Variants in IRX5 observed in about 807,000 individuals in gnomAD.
IRX5 encodes the protein iroquois-class homeodomain protein IRX-5.
IRX5 carries 8 observed loss-of-function variants against 37.6 expected under a neutral mutation model. The ratio of observed to expected loss-of-function variants is 0.21; its 90% CI spans 0.12 to 0.38. The LOEUF (loss-of-function observed/expected upper bound fraction) is 0.38. IRX5 is among the 10% of genes least tolerant of loss of function. The pLI, the probability that IRX5 is intolerant of heterozygous loss-of-function variation, is 1.00. For synonymous variants in IRX5, 359 were observed against 328.6 expected (o/e 1.09, Z -1.00); for missense variants, 635 against 695.2 (o/e 0.91, Z 0.97).
rs1281187435 is a variant in IRX5 at position 54,933,219 on chromosome 16, C to G, written c.798C>G (p.Gly266=). ...AGGGCCGCCTCGACGCGCTGCAGGG[C>G]CCCCCCCGCACCGGCGGGCCCTCCC... ...PSEGRLDALQ[G]PPRTGGPSPA... is the part of the protein sequence containing the mutation. The change falls in exon 3 of 3, where the codon GGC becomes GGG. Residue 266 remains glycine (G), a synonymous_variant. Transcript: ENST00000394636. 2 of 1,485,458 alleles carry G rather than the reference C, an allele frequency of 1.3e-6. No homozygotes were observed. The highest frequency in any genetic ancestry group is 2.5e-5 in the South Asian group (2 of 80,430). 92.0% of individuals were successfully genotyped at this position (1,485,458 alleles called of 1,614,324 possible). A position where few individuals can be genotyped will look rare whatever the true frequency, so the allele number is the denominator to read the frequency against.
chr16:54,931,190 T>G lies in IRX5; in HGVS notation c.-9T>G, dbSNP rs2142351716. ...CGCGGCGCGGCGCGCCCCATGCCCG[T>G]GTGTGGCCATGTCCTATCCGCAGGG... is the stretch of plus-strand genomic sequence containing the variant. On this transcript the variant is annotated 5_prime_UTR_variant, in exon 1 of 3. Transcript: ENST00000394636. The G allele has an allele frequency of 6.3e-7, 1 of 1,575,896 alleles. No homozygotes were observed. The highest frequency in any genetic ancestry group is 8.6e-7 in the Non-Finnish European group (1 of 1,163,114).
chr16:54,933,199 C>T lies in IRX5; in HGVS notation c.778C>T (p.Arg260Cys), dbSNP rs199861709. 4 of 1,535,738 alleles carry T rather than the reference C, an allele frequency of 2.6e-6. No individual in the cohort carries two copies. In the Admixed American group the frequency reaches 7.8e-5, roughly 30 times the overall value. ...SDFKEPPSEG[R>C]LDALQGPPRT... is the part of the protein sequence containing the mutation. ...TTTTAAGGAGCCGCCCTCGGAGGGC[C>T]GCCTCGACGCGCTGCAGGGCCCCCC... The change falls in exon 3 of 3, where the codon CGC becomes TGC. Residue 260 changes from arginine to cysteine, a missense_variant. Around this residue, in one of 5 missense-constraint regions of IRX5, gnomAD observed 244 missense variants for 205.4 expected, o/e 1.19. Coordinates refer to ENST00000394636, the MANE Select transcript of IRX5 (RefSeq NM_005853.6).
rs543534929 is a variant in IRX5 at position 54,932,304 on chromosome 16, G to C, written c.250-194G>C. On this transcript the variant is annotated intron_variant, in intron 1 of 2. Transcript: ENST00000394636. This position sits in a 1 kb window ranked among gnomAD's most constrained non-coding sequence, Gnocchi z 6.7. ...AGAAGGACCTGACCCAGAAATTGAG[G>C]TCCCCGCTGCCTTCTGAGGAGGGGG... The C allele has an allele frequency of 2.9e-6, 2 of 685,744 alleles. No homozygotes were observed. Among genetic ancestry groups the C allele is most frequent in the African/African-American group, 3.6e-5 (2 of 55,286 alleles). The allele number at this position is 685,744 out of a possible 1,614,324, so 42.5% of individuals were successfully genotyped here.
Position 54,932,223 on chromosome 16 carries a change from C to T in IRX5, c.250-275C>T, listed in dbSNP as rs550286243. 52 of 695,388 alleles carry T rather than the reference C, an allele frequency of 7.5e-5. No homozygotes were observed. Among genetic ancestry groups the T allele is most frequent in the South Asian group, 7.1e-4 (48 of 67,182 alleles). The allele number at this position is 695,388 out of a possible 1,614,324, so 43.1% of individuals were successfully genotyped here. A position where few individuals can be genotyped will look rare whatever the true frequency, so the allele number is the denominator to read the frequency against. On this transcript the variant is annotated intron_variant, in intron 1 of 2. Transcript: ENST00000394636. This position sits in a 1 kb window ranked among gnomAD's most constrained non-coding sequence, Gnocchi z 6.7. ...TCTGCGCACGGGGTACGGACGTGCC[C>T]GGGCAGATGGGGGCCTACGGGGTGA...
In IRX5 at chr16:54,933,986, A is replaced by T. The variant is rs1361599355; in HGVS notation, c.*113A>T. On this transcript the variant is annotated 3_prime_UTR_variant, in exon 3 of 3. Transcript: ENST00000394636. ...AGAGAGAAAATAAACTACCCCTCCT[A>T]TTCAGAAGTTTATAGTTTATGGAGA... The T allele has an allele frequency of 9.1e-7, 1 of 1,093,218 alleles. No individual in the cohort carries two copies. The highest frequency in any genetic ancestry group is 1.6e-5 in the African/African-American group (1 of 63,448). 67.7% of individuals were successfully genotyped at this position (1,093,218 alleles called of 1,614,324 possible).
In IRX5 at chr16:54,931,062, C is replaced by T. The variant is rs1275763810; in HGVS notation, c.-137C>T. The T allele has an allele frequency of 6.1e-6, 3 of 488,720 alleles. No homozygotes were observed. Among genetic ancestry groups the T allele is most frequent in the Non-Finnish European group, 5.4e-6 (2 of 372,616 alleles). The allele number at this position is 488,720 out of a possible 1,614,324, so 30.3% of individuals were successfully genotyped here. ...AAGCCAGCGAGGAGGCGCCGCGGGC[C>T]GGAGCCCCGGAGCCGGGGCCAGAGG... On this transcript the variant is annotated 5_prime_UTR_variant, in exon 1 of 3. Transcript: ENST00000394636.
In IRX5 at chr16:54,933,613, C is replaced by T; in HGVS notation, c.1192C>T (p.Leu398=). The change falls in exon 3 of 3, where the codon CTG becomes TTG. Residue 398 remains leucine (L), a synonymous_variant. Transcript: ENST00000394636. The stretch of plus-strand genomic sequence containing the variant: ...GTGTCCTTTTCCAGGCGGGACGGTG[C>T]TGTCCCGGCCTCTCTACTACACCGC... ...AQCPFPGGTV[L]SRPLYYTAPF... is the part of the protein sequence containing the mutation. 6.2e-7 allele frequency: 1 copy of T among 1,610,846 alleles called. No individual in the cohort carries two copies.
In IRX5 at chr16:54,932,241, C is replaced by A. The variant is rs1397272277; in HGVS notation, c.250-257C>A. On this transcript the variant is annotated intron_variant, in intron 1 of 2. Transcript: ENST00000394636. The surrounding 1 kb of genome is among the most constrained non-coding windows in gnomAD (Gnocchi z 6.7). ...ACGTGCCCGGGCAGATGGGGGCCTA[C>A]GGGGTGACACCGAGGCCGGGACAGC... The A allele has an allele frequency of 7.3e-6, 5 of 683,056 alleles. No homozygotes were observed. Among genetic ancestry groups the A allele is most frequent in the Non-Finnish European group, 1.3e-5 (5 of 374,472 alleles). The allele number at this position is 683,056 out of a possible 1,614,324, so 42.3% of individuals were successfully genotyped here.
chr16:54,933,337 G>A lies in IRX5; in HGVS notation c.916G>A (p.Glu306Lys), dbSNP rs750485585. ...PAPGPHPAAG[E>K]VPPGPGGPSV... ...GCCCGGCCCGCATCCAGCCGCGGGC[G>A]AGGTGCCTCCGGGTCCCGGCGGGCC... is the stretch of plus-strand genomic sequence containing the variant. The change falls in exon 3 of 3, where the codon GAG (glutamate) becomes AAG (lysine). Residue 306 changes from glutamate to lysine, a missense_variant. Coordinates refer to ENST00000394636, the MANE Select transcript of IRX5 (RefSeq NM_005853.6). The A allele has an allele frequency of 1.5e-5, 22 of 1,478,452 alleles. No homozygotes were observed. The highest frequency in any genetic ancestry group is 2.0e-5 in the Non-Finnish European group (22 of 1,118,914). 91.6% of individuals were successfully genotyped at this position (1,478,452 alleles called of 1,614,324 possible).
rs1379759402 is a variant in IRX5, at chr16:54,933,750, C to T, written c.1329C>T (p.Asn443=). ...CGGGGTCTCATTTCAATGGATTAAA[C>T]CAGACCGTGTTGAACCGAGCGGACG... ...TGPGSHFNGL[N]QTVLNRADAL... The change falls in exon 3 of 3, where the codon AAC becomes AAT. Residue 443 remains asparagine (N), a synonymous_variant. Coordinates refer to ENST00000394636, the MANE Select transcript of IRX5 (RefSeq NM_005853.6). 6.2e-7 allele frequency: 1 copy of T among 1,614,002 alleles called. No homozygotes were observed. The highest frequency in any genetic ancestry group is 8.5e-7 in the Non-Finnish European group (1 of 1,180,026).
At position 54,933,145 on chromosome 16, in the gene IRX5, G is replaced by A. The variant is rs1354508560; in HGVS notation, c.724G>A (p.Glu242Lys). 1.3e-6 allele frequency: 2 copies of A among 1,581,990 alleles called. No individual in the cohort carries two copies. Among genetic ancestry groups the A allele is most frequent in the Non-Finnish European group, 1.7e-6 (2 of 1,171,460 alleles). Residue 242 changes from glutamate (E) to lysine (K), a missense_variant, in exon 3 of 3, where the codon GAG becomes AAG. Glu to Lys is a moderately conservative substitution (Grantham distance 56). Transcript: ENST00000394636. ...LQGPPTPAGK[E>K]TEGSLSDSDF... is the part of the protein sequence containing the mutation. ...GGGACCACCCACCCCTGCAGGCAAG[G>A]AGACGGAGGGCAGCCTCAGCGACTC...
rs1302792896 is a variant in IRX5 at position 54,931,080 on chromosome 16, G to A, written c.-119G>A. On this transcript the variant is annotated 5_prime_UTR_variant, in exon 1 of 3. Transcript: ENST00000394636. Reference sequence around the variant, plus strand: ...CGCGGGCCGGAGCCCCGGAGCCGGGGCCAGAGGAGCGGCGGCCCAGGGCAG... The same window carrying A: ...CGCGGGCCGGAGCCCCGGAGCCGGGACCAGAGGAGCGGCGGCCCAGGGCAG... The A allele has an allele frequency of 4.2e-6, 3 of 710,978 alleles. No individual in the cohort carries two copies. Among genetic ancestry groups the A allele is most frequent in the Non-Finnish European group, 3.5e-6 (2 of 565,582 alleles). The allele number at this position is 710,978 out of a possible 1,614,324, so 44.0% of individuals were successfully genotyped here.
Position 54,933,405 on chromosome 16 carries a change from G to A in IRX5, c.984G>A (p.Val328=), listed in dbSNP as rs1214274984. 6.3e-7 allele frequency: 1 copy of A among 1,591,844 alleles called. No homozygotes were observed. Among genetic ancestry groups the A allele is most frequent in the Non-Finnish European group, 8.5e-7 (1 of 1,171,230 alleles). ...CGCCTCCGCCGCCGCCTCCTGCGGT[G>A]CTCGCCAAGCCCAAACTGTGGTCTT... ...HSPPPPPPPA[V]LAKPKLWSLA... The change falls in exon 3 of 3, where the codon GTG becomes GTA. Residue 328 remains valine, a synonymous_variant. Transcript: ENST00000394636.
At position 54,933,735 on chromosome 16, in the gene IRX5, T is replaced by C. The variant is rs1310853265; in HGVS notation, c.1314T>C (p.His438=). The C allele has an allele frequency of 6.2e-7, 1 of 1,614,078 alleles. No homozygotes were observed. The highest frequency in any genetic ancestry group is 1.7e-5 in the Admixed American group (1 of 60,034). The change falls in exon 3 of 3, where the codon CAT becomes CAC. Residue 438 remains histidine (H), a synonymous_variant. Coordinates refer to ENST00000394636, the MANE Select transcript of IRX5 (RefSeq NM_005853.6). ...GPGPTTGPGS[H]FNGLNQTVLN... ...GCCCCACAACCGGTCCGGGGTCTCATTTCAATGGATTAAACCAGACCGTGT... is the reference window on the plus strand; with the variant it reads ...GCCCCACAACCGGTCCGGGGTCTCACTTCAATGGATTAAACCAGACCGTGT...
intron 1 of IRX5, chr16:54,931,969 C>G (rs1368808709): frequency 1.6e-6 from 1 of 643,276 alleles, no homozygotes; most frequent in Non-Finnish European, 2.8e-6. Context: ...GATTTTTCGG[C>G]CGGGTTGTAA....
In IRX5 at chr16:54,933,609, G is replaced by C; in HGVS notation, c.1188G>C (p.Thr396=). The change falls in exon 3 of 3, where the codon ACG becomes ACC. Residue 396 remains threonine, a synonymous_variant. Coordinates refer to ENST00000394636, the MANE Select transcript of IRX5 (RefSeq NM_005853.6). ...PSAQCPFPGG[T]VLSRPLYYTA... ...CGCAGTGTCCTTTTCCAGGCGGGAC[G>C]GTGCTGTCCCGGCCTCTCTACTACA... is the stretch of plus-strand genomic sequence containing the variant. 1 of 1,610,336 alleles carries C rather than the reference G, an allele frequency of 6.2e-7. No homozygotes were observed. The highest frequency in any genetic ancestry group is 8.5e-7 in the Non-Finnish European group (1 of 1,177,804).
chr16:54,932,873 G>A lies in IRX5; in HGVS notation c.625G>A (p.Asp209Asn), dbSNP rs747208985. ...NDEDEPQKPE[D>N]KGDPEGPEAG... ...CGAGGACGAGCCCCAGAAGCCCGAGGACAAGGGCGACCCCGAGGGCCCCGA... is the reference window on the plus strand; with the variant it reads ...CGAGGACGAGCCCCAGAAGCCCGAGAACAAGGGCGACCCCGAGGGCCCCGA... Residue 209 changes from aspartate (D) to asparagine (N), a missense_variant, in exon 2 of 3, where the codon GAC becomes AAC. By Grantham distance (23) the Asp-to-Asn change is conservative. Transcript: ENST00000394636. The surrounding 1 kb of genome is among the most constrained non-coding windows in gnomAD (Gnocchi z 6.7). 5 of 1,612,854 alleles carry A rather than the reference G, an allele frequency of 3.1e-6. No homozygotes were observed. The highest frequency in any genetic ancestry group is 3.3e-5 in the Admixed American group (2 of 59,818).
At position 54,931,107 on chromosome 16, in the gene IRX5, C is replaced by T. The variant is rs1424705914; in HGVS notation, c.-92C>T. 8.1e-5 allele frequency: 85 copies of T among 1,053,250 alleles called. No homozygotes were observed. The highest frequency in any genetic ancestry group is 9.3e-5 in the Non-Finnish European group (79 of 846,106). 65.2% of individuals were successfully genotyped at this position (1,053,250 alleles called of 1,614,324 possible). A position where few individuals can be genotyped will look rare whatever the true frequency, so the allele number is the denominator to read the frequency against. ...CAGAGGAGCGGCGGCCCAGGGCAGC[C>T]AGAGGCCAGGTGCCCGCCCGCTCGC... On this transcript the variant is annotated 5_prime_UTR_variant, in exon 1 of 3. Coordinates refer to ENST00000394636, the MANE Select transcript of IRX5 (RefSeq NM_005853.6).
rs1963937180 is a variant in IRX5, at chr16:54,933,835, T to C, written c.1414T>C (p.Ser472Pro). Residue 472 changes from serine (S) to proline (P), a missense_variant, in exon 3 of 3, where the codon TCT becomes CCT. Transcript: ENST00000394636. ...GTCTCAGCTAGACCTGTGCAAAGAC[T>C]CTCCCTATGAATTGAAGAAAGGTAT... ...SQSQLDLCKD[S>P]PYELKKGMSD... The C allele has an allele frequency of 1.9e-6, 3 of 1,608,876 alleles. No homozygotes were observed. Among genetic ancestry groups the C allele is most frequent in the Non-Finnish European group, 2.5e-6 (3 of 1,176,476 alleles).
Sources: allele counts gnomAD v4.1 joint callset, GRCh38; gene constraint gnomAD v4.1.1; regional missense constraint gnomAD v4.1.1; non-coding constraint Gnocchi (gnomAD v3.1); transcripts MANE v1.5; gene names NCBI Gene and HGNC (gene_info 2026-07-23, HGNC 2026-07-21).